Variants in TPH2 observed in about 807,000 individuals in gnomAD.
TPH2 encodes the protein tryptophan 5-hydroxylase 2.
In TPH2, 27 loss-of-function variants were observed where a neutral mutation model predicts 59.1. The observed-to-expected ratio is 0.46, with a 90% CI of 0.34 to 0.63. The LOEUF is 0.63. Ranked by LOEUF, TPH2 falls within the 30% of genes least tolerant of loss-of-function variation. TPH2 has a pLI of 0.01. For missense variants in TPH2, 523 were observed against 588.3 expected, an observed-to-expected ratio of 0.89 and a Z score of 1.15; for synonymous variants, 220 against 210.5, an observed-to-expected ratio of 1.05 and a Z score of -0.39.
chr12:72,013,283 C>G (rs1873149061), intron 8 of TPH2, among the ~76,000 whole-genome samples: 2 of 152,180 alleles, frequency 1.3e-5, no homozygotes, highest in Admixed American at 1.3e-4. Context: ...CAAGATGTTT[C>G]TCAAATCCCA....
intron 7 of TPH2, among the ~76,000 whole-genome samples, chr12:71,981,980 A>G (rs945868386): frequency 7.6e-6 from 1 of 131,128 alleles, no homozygotes; most frequent in African/African-American, 2.8e-5. Flanking sequence ...TGTTTTTACA[A>G]GCCCTTTATT....
chr12:71,977,176 T>G (rs1335033629), intron 6 of TPH2, among the ~76,000 whole-genome samples: 1 of 152,188 alleles, frequency 6.6e-6, no homozygotes, highest in Non-Finnish European at 1.5e-5. Context: ...CTCACCTGTA[T>G]TCCCCGAGTA....
intron 8 of TPH2, among the ~76,000 whole-genome samples, chr12:72,007,032 T>A (rs757904214): frequency 3.3e-5 from 5 of 152,164 alleles, no homozygotes; most frequent in Admixed American, 6.5e-5. Flanking sequence ...CTTTCTTCTG[T>A]GACCTTGGGT....
chr12:72,015,233 T>C (rs1873209369), intron 8 of TPH2, among the ~76,000 whole-genome samples: 1 of 151,222 alleles, frequency 6.6e-6, no homozygotes, highest in African/African-American at 2.4e-5. Flanking sequence ...TCTCAAAAAC[T>C]AGATGGAAAA....
At chr12:71,959,327 G>C (rs1192449063) in intron 5 of TPH2, among the ~76,000 whole-genome samples, 1 of 152,170 alleles carries the variant, frequency 6.6e-6, no homozygotes, top group Non-Finnish European at 1.5e-5. Flanking sequence ...AGAGACAGAT[G>C]ATCAGAGACT....
Position 71,938,978 on chromosome 12 carries a change from C to A in TPH2, c.-9C>A, listed in dbSNP as rs765296734. 6.2e-7 allele frequency: 1 copy of A among 1,610,848 alleles called. No homozygotes were observed. Among genetic ancestry groups the A allele is most frequent in the East Asian group, 2.2e-5 (1 of 44,862 alleles). ...CCTGCTGCAGAGAAAGAATATTACA[C>A]CGGGATCCATGCAGCCAGCAATGAT... On this transcript the variant is annotated 5_prime_UTR_variant, in exon 1 of 11. Coordinates refer to ENST00000333850, the MANE Select transcript of TPH2 (RefSeq NM_173353.4).
At chr12:72,022,346 C>A in intron 8 of TPH2, 53 bp from the exon 9 acceptor site, 1 of 1,326,716 alleles carries the variant, frequency 7.5e-7, no homozygotes, top group Non-Finnish European at 1.1e-6. Context: ...CCATTTAATC[C>A]TATCAAATAA....
chr12:71,969,372 G>A (rs1215378212), intron 5 of TPH2, among the ~76,000 whole-genome samples: 1 of 152,100 alleles, frequency 6.6e-6, no homozygotes, highest in Non-Finnish European at 1.5e-5. Context: ...CTTCTCATAC[G>A]TGATTTACAA....
rs764667557 is a variant in TPH2, at chr12:72,031,585, G to C, written c.1363G>C (p.Glu455Gln). 6.2e-7 allele frequency: 1 copy of C among 1,613,562 alleles called. No homozygotes were observed. The highest frequency in any genetic ancestry group is 1.1e-5 in the South Asian group (1 of 91,070). Reference protein sequence around the residue: ...VYFNPYTQSIEILKDTRSIEN... With the variant: ...VYFNPYTQSIQILKDTRSIEN... ...CTTCAATCCCTACACACAGAGTATT[G>C]AAATTCTGAAAGACACCAGAAGTAT... Residue 455 changes from glutamate to glutamine, a missense_variant, in exon 11 of 11, where the codon GAA (glutamate) becomes CAA (glutamine). Physicochemically the swap from Glu to Gln is conservative, Grantham distance 29. Transcript: ENST00000333850.
intron 7 of TPH2, among the ~76,000 whole-genome samples, chr12:71,981,213 G>A (rs1872267490): frequency 6.6e-6 from 1 of 152,206 alleles, no homozygotes; most frequent in Non-Finnish European, 1.5e-5. Flanking sequence ...AGACACGCAA[G>A]AGGCATACAT....
rs1426293629 is a variant in TPH2, at chr12:71,964,663, A to G, written c.609-7856A>G. The G allele has an allele frequency of 3.0e-6, 3 of 985,386 alleles. No individual in the cohort carries two copies. The African/African-American group carries it at 5.2e-5, about 17-fold the overall frequency. The allele number at this position is 985,386 out of a possible 1,614,324, so 61.0% of individuals were successfully genotyped here. ...CTAGGTAACACTATGGTTACTGGCT[A>G]AAAATGAGAGTCATCAATTACTGAT... is the stretch of plus-strand genomic sequence containing the variant. On this transcript the variant is annotated intron_variant, in intron 5 of 10. Transcript: ENST00000333850.
At chr12:71,962,051 T>C in intron 5 of TPH2, 1 of 1,025,008 alleles carries the variant, frequency 9.8e-7, no homozygotes, top group Middle Eastern at 4.9e-4. Context: ...AAATGCTCTT[T>C]ACCTGACTGG....
In TPH2 at chr12:71,939,091, A is replaced by G. The variant is rs1269199178; in HGVS notation, c.105A>G (p.Thr35=). ...AGCATCAGCTACTTGGCAGCTCAAC[A>G]GTGAGTACTACGTACCTGGCACTAT... The part of the protein sequence containing the change: ...PEEHQLLGSS[T]LNKPNSGKND... Residue 35 remains threonine, a splice_region_variant and synonymous_variant, in exon 1 of 11, where the codon ACA becomes ACG. Coordinates refer to ENST00000333850, the MANE Select transcript of TPH2 (RefSeq NM_173353.4). 3 of 1,611,478 alleles carry G rather than the reference A, an allele frequency of 1.9e-6. No individual in the cohort carries two copies. Among genetic ancestry groups the G allele is most frequent in the Non-Finnish European group, 2.5e-6 (3 of 1,177,840 alleles).
At chr12:72,014,894 C>G (rs1873199895) in intron 8 of TPH2, among the ~76,000 whole-genome samples, 1 of 152,124 alleles carries the variant, frequency 6.6e-6, no homozygotes, top group Non-Finnish European at 1.5e-5. Flanking sequence ...AGTGGGACCT[C>G]CATAGTTTAA....
chr12:71,961,731 C>T (rs747898485), intron 5 of TPH2: 1 of 1,345,700 alleles, frequency 7.4e-7, no homozygotes, highest in Non-Finnish European at 9.8e-7. Flanking sequence ...AAAATCACTT[C>T]TCTAGAATAT....
At chr12:71,947,052 G>A (rs770903854) in intron 4 of TPH2, among the ~76,000 whole-genome samples, 5 of 152,164 alleles carry the variant, frequency 3.3e-5, no homozygotes, top group Middle Eastern at 3.2e-3. Flanking sequence ...ATATCTTGAT[G>A]CTCATCTGAA....
chr12:72,012,033 G>A (rs192228790), intron 8 of TPH2, among the ~76,000 whole-genome samples: 1 of 152,334 alleles, frequency 6.6e-6, no homozygotes, highest in East Asian at 1.9e-4. Flanking sequence ...TCAGAAGGCT[G>A]ACATTGACTC....
intron 7 of TPH2, among the ~76,000 whole-genome samples, chr12:71,989,883 G>A (rs907045407): frequency 5.3e-5 from 8 of 151,646 alleles, no homozygotes; most frequent in Non-Finnish European, 1.2e-4. Flanking sequence ...AATCCCCCTA[G>A]CAGGGCTTAT....
intron 5 of TPH2, among the ~76,000 whole-genome samples, chr12:71,953,162 C>CTT (rs201864157): frequency 1.4e-5 from 2 of 144,292 alleles, no homozygotes; most frequent in East Asian, 2.0e-4. Flanking sequence ...CTTTTCCCTG[C>CTT]TTTTTTTTTT....
Sources: allele counts gnomAD v4.1 joint callset (sites outside exome capture counted in the v4.1 genomes callset), GRCh38; gene constraint gnomAD v4.1.1; transcripts MANE v1.5; gene names NCBI Gene and HGNC (gene_info 2026-07-23, HGNC 2026-07-21).